Variants in NHSL2 observed in about 807,000 individuals in gnomAD.
The protein encoded by NHSL2 is NHS-like protein 2.
A neutral mutation model predicts 53.4 loss-of-function variants in NHSL2; 27 were observed. The ratio of observed to expected loss-of-function variants is 0.51; its 90% CI spans 0.37 to 0.70. NHSL2 has a LOEUF of 0.70. Among genes scored for constraint, NHSL2 ranks in the 30% least tolerant of loss-of-function variants. The pLI is 0.00. For missense variants in NHSL2, 892 were observed against 980.1 expected (o/e 0.91, Z 1.20); for synonymous variants, 408 against 404.1 (o/e 1.01, Z -0.12).
chrX:72,108,563 C>T (rs1257718106), intron 1 of NHSL2, among the ~76,000 whole-genome samples: 2 of 112,985 alleles, frequency 1.8e-5, no homozygotes, highest in African/African-American at 6.4e-5. Flanking sequence ...TGCCTGGGGG[C>T]GGGACCAGAA....
At chrX:72,134,043 T>G in intron 2 of NHSL2, 48 bp from the exon 3 acceptor site, 3 of 1,151,739 alleles carry the variant, frequency 2.6e-6, no homozygotes, top group Non-Finnish European at 3.5e-6. Flanking sequence ...GGCCCAGCGC[T>G]CGGCCATGGC....
intron 1 of NHSL2, among the ~76,000 whole-genome samples, chrX:71,958,661 C>T (rs1280711742): frequency 8.9e-6 from 1 of 112,116 alleles, no homozygotes; most frequent in African/African-American, 3.2e-5. Context: ...GGCATATAAT[C>T]CAGCCCTTTC....
chrX:72,097,738 T>C (rs771807979), intron 1 of NHSL2, among the ~76,000 whole-genome samples: 8 of 112,140 alleles, frequency 7.1e-5, no homozygotes, highest in Admixed American at 9.4e-5. Context: ...AACACATCTC[T>C]TGTTATACCT....
chrX:72,020,595 C>T (rs957097257), intron 1 of NHSL2, among the ~76,000 whole-genome samples: 8 of 112,229 alleles, frequency 7.1e-5, no homozygotes, highest in African/African-American at 1.9e-4. Flanking sequence ...CAGTGCTGAG[C>T]AGCTTTCTAG....
chrX:72,050,899 A>C (rs915664960), intron 1 of NHSL2, among the ~76,000 whole-genome samples: 44 of 110,124 alleles, frequency 4.0e-4, no homozygotes, highest in African/African-American at 5.6e-4. Flanking sequence ...TCAAAAAAAA[A>C]AAAACAAAAC....
intron 1 of NHSL2, among the ~76,000 whole-genome samples, chrX:71,993,060 G>A (rs1231755814): frequency 2.7e-5 from 3 of 112,150 alleles, no homozygotes; most frequent in African/African-American, 9.7e-5. Flanking sequence ...TGGGAGGGGC[G>A]GGAACTTTTC....
chrX:72,100,860 T>C (rs2041986260), intron 1 of NHSL2, among the ~76,000 whole-genome samples: 1 of 111,775 alleles, frequency 8.9e-6, no homozygotes. Context: ...ATGTGGCATA[T>C]TGCTGTACAA....
chrX:71,916,115 C>A (rs962116337), intron 1 of NHSL2, among the ~76,000 whole-genome samples: 1 of 111,443 alleles, frequency 9.0e-6, no homozygotes, highest in Non-Finnish European at 1.9e-5. Flanking sequence ...TGTTGCAATC[C>A]CTCCTGATCC....
chrX:71,940,285 G>A (rs1355260996), intron 1 of NHSL2, among the ~76,000 whole-genome samples: 1 of 112,409 alleles, frequency 8.9e-6, no homozygotes, highest in African/African-American at 3.2e-5. Context: ...AGTTAGCTAC[G>A]AGAAATTGTT....
chrX:71,978,865 G>A (rs2041961340), intron 1 of NHSL2, among the ~76,000 whole-genome samples: 1 of 105,417 alleles, frequency 9.5e-6, no homozygotes, highest in Non-Finnish European at 1.9e-5. Context: ...GCACCCATTA[G>A]CTCGTCACTT....
intron 1 of NHSL2, among the ~76,000 whole-genome samples, chrX:71,963,279 AT>A (rs1331386378): frequency 8.1e-5 from 9 of 110,811 alleles, no homozygotes; most frequent in Non-Finnish European, 1.5e-4. Flanking sequence ...TAAAATATTT[AT>A]TTTTATTATT....
chrX:71,922,174 G>A (rs2041662689), intron 1 of NHSL2, among the ~76,000 whole-genome samples: 1 of 111,893 alleles, frequency 8.9e-6, no homozygotes, highest in South Asian at 3.7e-4. Context: ...CTTCATGATC[G>A]CAACAGAAAT....
chrX:72,018,082 CT>C (rs1427836412), intron 1 of NHSL2, among the ~76,000 whole-genome samples: 1 of 112,052 alleles, frequency 8.9e-6, no homozygotes, highest in Admixed American at 9.4e-5. Context: ...ACCTGACTTT[CT>C]TCTTAAATGC....
chrX:71,970,842 G>C (rs1046438885), intron 1 of NHSL2, among the ~76,000 whole-genome samples: 1 of 111,137 alleles, frequency 9.0e-6, no homozygotes, highest in Non-Finnish European at 1.9e-5. Context: ...GAGTGCAGTG[G>C]TGCAGTCATT....
chrX:71,970,394 A>G (rs2041920017), intron 1 of NHSL2, among the ~76,000 whole-genome samples: 1 of 111,636 alleles, frequency 9.0e-6, no homozygotes. Flanking sequence ...AAAATTATTA[A>G]TTCAGTCTCT....
At chrX:72,012,058 G>T (rs1011634681) in intron 1 of NHSL2, among the ~76,000 whole-genome samples, 2 of 111,229 alleles carry the variant, frequency 1.8e-5, no homozygotes, top group African/African-American at 6.5e-5. Flanking sequence ...ATTTTCTCTT[G>T]GTCTGAAGCT....
intron 1 of NHSL2, among the ~76,000 whole-genome samples, chrX:72,068,043 G>T (rs1306061228): frequency 1.8e-5 from 2 of 111,814 alleles, no homozygotes; most frequent in African/African-American, 6.5e-5. Flanking sequence ...CCCCTGGGAA[G>T]GTATCTCTAG....
At chrX:72,116,696 G>A (rs963180388) in intron 1 of NHSL2, among the ~76,000 whole-genome samples, 1 of 111,354 alleles carries the variant, frequency 9.0e-6, no homozygotes, top group Middle Eastern at 4.6e-3. Context: ...TTTCCTCAAG[G>A]TTAGAAGGGA....
rs2042529703 is a variant in NHSL2, at chrX:72,153,233, A to AT, written c.*9660dup. 1 of 111,953 alleles carries AT rather than the reference A, an allele frequency of 8.9e-6. No homozygotes were observed. The highest frequency in any genetic ancestry group is 3.2e-5 in the African/African-American group (1 of 30,854). The allele number at this position is 111,953 out of a possible 1,213,427, so 9.2% of individuals were successfully genotyped here. A position where few individuals can be genotyped will look rare whatever the true frequency, so the allele number is the denominator to read the frequency against. On this transcript the variant is annotated 3_prime_UTR_variant, in exon 8 of 8. Transcript: ENST00000633930. ...TACCAGCAATTGAACTGTATTCTTT[A>AT]TATAGCTAGAGCTGTTTGTGTCTTC...
Sources: gnomAD v4.1 joint callset for allele counts (sites outside exome capture counted in the v4.1 genomes callset) on GRCh38, gnomAD v4.1.1 for gene constraint, MANE v1.5 for transcripts, NCBI Gene and HGNC (gene_info 2026-07-23, HGNC 2026-07-21) for gene names.